The following ABI3BP variants were observed in gnomAD, a reference collection of about 807,000 sequenced individuals.
The protein encoded by ABI3BP is ABI family member 3 binding protein.
A neutral mutation model predicts 268.6 loss-of-function variants in ABI3BP; 216 were observed. The ratio of observed to expected loss-of-function variants is 0.80; its 90% CI spans 0.72 to 0.90. ABI3BP has a LOEUF of 0.90. ABI3BP is among the 40% of genes least tolerant of loss of function. The probability of loss-of-function intolerance (pLI) is 0.00; values close to 1 mark genes in which losing one functional copy is unlikely to be tolerated. For synonymous variants in ABI3BP, 730 were observed against 730.0 expected (o/e 1.00, Z 0.00); for missense variants, 2,090 against 2,182.4 (o/e 0.96, Z 0.84).
intron 59 of ABI3BP, among the ~76,000 whole-genome samples, chr3:100,775,988 A>G (rs1024019434): frequency 1.3e-5 from 2 of 152,156 alleles, no homozygotes; most frequent in African/African-American, 4.8e-5. Context: ...TGGCTACAGA[A>G]GAAGGAAAAA....
At chr3:100,864,682 A>G (rs72926255) in intron 11 of ABI3BP, 151 bp downstream of exon 11, 16,634 of 617,288 alleles carry the variant, frequency 0.027, 1,257 homozygotes, top group East Asian at 0.18. Flanking sequence ...TCCAAGAAAG[A>G]GGAAGGTTAA....
At chr3:100,916,073 G>A (rs139348973) in intron 2 of ABI3BP, among the ~76,000 whole-genome samples, 40 of 152,308 alleles carry the variant, frequency 2.6e-4, no homozygotes, top group Admixed American at 2.6e-3. Flanking sequence ...CCACAGAGAA[G>A]TTCAGAGTGT....
chr3:100,791,123 AG>A, intron 55 of ABI3BP, among the ~76,000 whole-genome samples: 1 of 152,020 alleles, frequency 6.6e-6, no homozygotes, highest in Non-Finnish European at 1.5e-5. Context: ...ATAAGAAAAA[AG>A]TCAGCATGTA....
chr3:100,818,578 G>A lies in ABI3BP; in HGVS notation c.3035C>T (p.Pro1012Leu), dbSNP rs1031432037. 6.5e-7 allele frequency: 1 copy of A among 1,534,634 alleles called. No individual in the cohort carries two copies. Among genetic ancestry groups the A allele is most frequent in the Non-Finnish European group, 8.7e-7 (1 of 1,145,730 alleles). Residue 1012 changes from proline to leucine, a missense_variant, in exon 41 of 68, where the codon CCT becomes CTT. Physicochemically the swap from Pro to Leu is moderately conservative, Grantham distance 98. Coordinates refer to ENST00000471714, the MANE Select transcript of ABI3BP (RefSeq NM_001375547.2). ...SPEVPQTKLV[P>L]STDLEPGTLR... ...AGTACCAGGTTCAAGATCTGTAGAA[G>A]GAACTAATTAAAAGCAATGAAATAA...
At chr3:100,821,380 C>A (rs866165890) in intron 38 of ABI3BP, among the ~76,000 whole-genome samples, 13 of 152,232 alleles carry the variant, frequency 8.5e-5, no homozygotes, top group Middle Eastern at 3.4e-3. Context: ...AAGAACTCAT[C>A]TTTGGAAAGA....
At chr3:100,911,013 A>C (rs1005257486) in intron 2 of ABI3BP, 2 of 170,448 alleles carry the variant, frequency 1.2e-5, no homozygotes, top group Non-Finnish European at 2.5e-5. Flanking sequence ...TCATTTTCTC[A>C]AACTCTTCAT....
At chr3:100,930,218 A>G (rs1418454836) in intron 1 of ABI3BP, among the ~76,000 whole-genome samples, 1 of 152,052 alleles carries the variant, frequency 6.6e-6, no homozygotes, top group Non-Finnish European at 1.5e-5. Flanking sequence ...TGTCACCAGA[A>G]GAGCCCAGGA....
chr3:100,823,302 G>A (rs1316364954), intron 37 of ABI3BP, among the ~76,000 whole-genome samples, 156 bp downstream of exon 37: 1 of 152,136 alleles, frequency 6.6e-6, no homozygotes. Context: ...ATTCATGCAT[G>A]ACTGCTTCTC....
chr3:100,985,356 A>T (rs1255948826), intron 1 of ABI3BP, among the ~76,000 whole-genome samples: 1 of 151,636 alleles, frequency 6.6e-6, no homozygotes, highest in East Asian at 1.9e-4. Flanking sequence ...TCACCATGTT[A>T]GCCAGGATGG....
intron 1 of ABI3BP, among the ~76,000 whole-genome samples, chr3:100,940,758 T>A (rs1584298447): frequency 9.3e-6 from 1 of 107,724 alleles, no homozygotes; most frequent in Non-Finnish European, 1.8e-5. Context: ...GACATGGTAA[T>A]CCCTCATTTA....
intron 51 of ABI3BP, among the ~76,000 whole-genome samples, chr3:100,801,327 C>G (rs1302235970): frequency 6.7e-6 from 1 of 149,444 alleles, no homozygotes; most frequent in Non-Finnish European, 1.5e-5. Flanking sequence ...ACTTGGGAGG[C>G]TGAGGCAGGA....
At chr3:100,982,279 G>C (rs2089912492) in intron 1 of ABI3BP, among the ~76,000 whole-genome samples, 1 of 152,120 alleles carries the variant, frequency 6.6e-6, no homozygotes, top group Admixed American at 6.5e-5. Flanking sequence ...TGGGAACACA[G>C]AGCCAAACTA....
At chr3:100,828,519 C>CA in intron 33 of ABI3BP, 67 bp from the exon 34 acceptor site, 1 of 1,393,548 alleles carries the variant, frequency 7.2e-7, no homozygotes, top group Non-Finnish European at 9.8e-7. Context: ...TCAGAACATT[C>CA]AAAAAGAATT....
intron 57 of ABI3BP, 82 bp from the exon 58 acceptor site, chr3:100,780,291 T>C (rs766461262): frequency 8.3e-5 from 110 of 1,329,518 alleles, no homozygotes; most frequent in Admixed American, 1.3e-4. Flanking sequence ...AGTAATAACG[T>C]ACATTCTTTG....
rs181461424 is a variant in ABI3BP at position 100,767,952 on chromosome 3, G to A, written c.4742-2003C>T. 3.1e-3 allele frequency among the ~76,000 whole-genome samples: 456 copies of A among 146,026 alleles called. 2 individuals carry two copies. The highest frequency in any genetic ancestry group is 0.012 in the African/African-American group (438 of 35,686). On this transcript the variant is annotated intron_variant, in intron 62 of 67. Coordinates refer to ENST00000471714, the MANE Select transcript of ABI3BP (RefSeq NM_001375547.2). ...ACACTCCAGTTGGTTATGCACCAAA[G>A]CAACCACCTTCAGAAAGCATCTTTG...
chr3:100,891,059 A>G (rs2044413420), intron 4 of ABI3BP, among the ~76,000 whole-genome samples: 3 of 152,028 alleles, frequency 2.0e-5, no homozygotes, highest in African/African-American at 7.2e-5. Context: ...ATAGAAAGCA[A>G]TGGGTTGACA....
In ABI3BP at chr3:100,828,443, G is replaced by A. The variant is rs917312095; in HGVS notation, c.2552C>T (p.Thr851Ile). 7.1e-5 allele frequency: 109 copies of A among 1,534,894 alleles called. 1 individual carries two copies. Among genetic ancestry groups the A allele is most frequent in the Non-Finnish European group, 9.2e-5 (106 of 1,146,180 alleles). Residue 851 changes from threonine to isoleucine, a missense_variant, in exon 34 of 68, where the codon ACA becomes ATA. Coordinates refer to ENST00000471714, the MANE Select transcript of ABI3BP (RefSeq NM_001375547.2). Reference protein sequence around the residue: ...EELQTELVPATIFEPVSPIKE... With the variant: ...EELQTELVPAIIFEPVSPIKE... ...TATAGGAGAAACTGGTTCAAAGATTGTAGCAGGAACTGGCCAAAAATAATA... is the reference window on the plus strand; with the variant it reads ...TATAGGAGAAACTGGTTCAAAGATTATAGCAGGAACTGGCCAAAAATAATA...
intron 1 of ABI3BP, among the ~76,000 whole-genome samples, chr3:100,945,035 T>G (rs1371649694): frequency 6.6e-6 from 1 of 152,174 alleles, no homozygotes; most frequent in East Asian, 1.9e-4. Flanking sequence ...CTAAGCCTCA[T>G]TTTTCTCCTC....
chr3:100,838,009 G>T (rs2152887117), intron 26 of ABI3BP, among the ~76,000 whole-genome samples: 1 of 152,122 alleles, frequency 6.6e-6, no homozygotes, highest in East Asian at 1.9e-4. Flanking sequence ...CAGTCAATCA[G>T]GTATAAAATT....
Sources: gnomAD v4.1 joint callset for allele counts (sites outside exome capture counted in the v4.1 genomes callset) on GRCh38, gnomAD v4.1.1 for gene constraint, MANE v1.5 for transcripts, NCBI Gene and HGNC (gene_info 2026-07-23, HGNC 2026-07-21) for gene names.